Variants in YKT6 observed in about 807,000 individuals in gnomAD.
YKT6 encodes the protein YKT6 vesicular SNARE protein, also known as synaptobrevin homolog YKT6.
A neutral mutation model predicts 29.3 loss-of-function variants in YKT6; 12 were observed. The observed-to-expected ratio is 0.41, with a 90% CI of 0.26 to 0.66. The LOEUF (loss-of-function observed/expected upper bound fraction) is 0.66. Among genes scored for constraint, YKT6 ranks in the 30% least tolerant of loss-of-function variants. The probability of loss-of-function intolerance (pLI) is 0.32; values close to 1 mark genes in which losing one functional copy is unlikely to be tolerated. For synonymous variants in YKT6, 86 were observed against 94.3 expected (o/e 0.91, Z 0.51); for missense variants, 188 against 243.8 (o/e 0.77, Z 1.52).
chr7:44,204,761 G>T, intron 2 of YKT6, 111 bp downstream of exon 2: 1 of 945,646 alleles, frequency 1.1e-6, no homozygotes, highest in Non-Finnish European at 1.6e-6. Context: ...CCTCTAGCTT[G>T]TTCTCTCTTT....
At chr7:44,211,748 T>TA (rs1413189499) in intron 6 of YKT6, 1 of 485,468 alleles carries the variant, frequency 2.1e-6, no homozygotes, top group African/African-American at 2.1e-5. Context: ...ATTAGGAAGA[T>TA]AGTCTGTGAC....
chr7:44,211,143 C>A lies in YKT6; in HGVS notation c.561+19C>A. ...TAAAACTGTGAGTACCCAGCACCTG[C>A]TGCCTCCTGGGTGTTCTCTCTAGAG... On this transcript the variant is annotated intron_variant, in intron 6 of 6. Transcript: ENST00000223369. 1 of 1,606,370 alleles carries A rather than the reference C, an allele frequency of 6.2e-7. No homozygotes were observed. Among genetic ancestry groups the A allele is most frequent in the Non-Finnish European group, 8.5e-7 (1 of 1,173,872 alleles).
chr7:44,206,261 C>A, intron 2 of YKT6, 124 bp from the exon 3 acceptor site: 1 of 925,062 alleles, frequency 1.1e-6, no homozygotes, highest in Non-Finnish European at 1.7e-6. Flanking sequence ...AAGACTTGCC[C>A]AGAGCTATTG....
rs866343417 is a variant in YKT6, at chr7:44,208,571, C to A, written c.459+373C>A. On this transcript the variant is annotated intron_variant, in intron 5 of 6. Transcript: ENST00000223369. ...TGCCTCCACACCCCACAGGTGCCTC[C>A]CCTTGCAGCGTTTGCATTGAAGGTG... The A allele has an allele frequency of 7.1e-5, 19 of 267,336 alleles. No individual in the cohort carries two copies. In the South Asian group the frequency reaches 8.3e-4, roughly 12 times the overall value. The allele number at this position is 267,336 out of a possible 1,614,324, so 16.6% of individuals were successfully genotyped here. A position where few individuals can be genotyped will look rare whatever the true frequency, so the allele number is the denominator to read the frequency against.
intron 6 of YKT6, among the ~76,000 whole-genome samples, chr7:44,211,341 C>T (rs1041839894): frequency 2.6e-5 from 4 of 152,184 alleles, no homozygotes; most frequent in African/African-American, 9.7e-5. Flanking sequence ...GGGCCGAGGC[C>T]TTGTTCCACT....
chr7:44,204,475 G>A, intron 1 of YKT6, 93 bp from the exon 2 acceptor site: 1 of 1,195,372 alleles, frequency 8.4e-7, no homozygotes, highest in Non-Finnish European at 1.2e-6. Context: ...AAGAAGCAAT[G>A]TCTACTTAAT....
chr7:44,212,490 T>G lies in YKT6; in HGVS notation c.*208T>G, dbSNP rs1037752073. On this transcript the variant is annotated 3_prime_UTR_variant, in exon 7 of 7. Transcript: ENST00000223369. ...GTGGTAGTGATTCTTGGAAAGAATT[T>G]GAGGTCCCCAAAGGTGTATTTTTGG... The G allele has an allele frequency of 1.5e-5, 9 of 597,500 alleles. No homozygotes were observed. Among genetic ancestry groups the G allele is most frequent in the Admixed American group, 9.7e-5 (3 of 30,868 alleles). 37.0% of individuals were successfully genotyped at this position (597,500 alleles called of 1,614,324 possible).
Position 44,212,398 on chromosome 7 carries a change from A to C in YKT6, c.*116A>C. On this transcript the variant is annotated 3_prime_UTR_variant, in exon 7 of 7. Coordinates refer to ENST00000223369, the MANE Select transcript of YKT6 (RefSeq NM_006555.4). ...GAGCCAGAGTGGGGGCAGACTGGCC[A>C]TTTTTATTTTGAAGTTCCTGCGAGA... The C allele has an allele frequency of 7.4e-7, 1 of 1,345,958 alleles. No homozygotes were observed. Among genetic ancestry groups the C allele is most frequent in the Non-Finnish European group, 1.0e-6 (1 of 963,888 alleles). The allele number at this position is 1,345,958 out of a possible 1,614,324, so 83.4% of individuals were successfully genotyped here.
At chr7:44,209,685 C>G (rs2096344616) in intron 5 of YKT6, among the ~76,000 whole-genome samples, 1 of 152,224 alleles carries the variant, frequency 6.6e-6, no homozygotes, top group African/African-American at 2.4e-5. Context: ...GCTCCTTGTT[C>G]TATGGCGCTT....
At chr7:44,201,311 G>A in intron 1 of YKT6, 72 bp downstream of exon 1, 2 of 1,387,880 alleles carry the variant, frequency 1.4e-6, no homozygotes, top group Non-Finnish European at 1.0e-6. Context: ...AGTCGGAGTG[G>A]GCCTGGGGTC....
intron 5 of YKT6, among the ~76,000 whole-genome samples, chr7:44,209,981 A>G (rs1261487057): frequency 6.6e-6 from 1 of 152,218 alleles, no homozygotes; most frequent in Non-Finnish European, 1.5e-5. Flanking sequence ...TTAAAATGAT[A>G]AAAGGAAAAT....
Position 44,212,234 on chromosome 7 carries a change from G to GT in YKT6, c.562-6dup, listed in dbSNP as rs766059961. ...CAGTCCTCCTTCTCAGCTCCTCTTT[G>GT]TTTTTTTCCAAGGCCCGGAAACAAA... On this transcript the variant is annotated splice_polypyrimidine_tract_variant and intron_variant, in intron 6 of 6. Transcript: ENST00000223369. 7.4e-6 allele frequency: 12 copies of GT among 1,613,758 alleles called. No individual in the cohort carries two copies. The highest frequency in any genetic ancestry group is 8.5e-6 in the Non-Finnish European group (10 of 1,179,872).
At chr7:44,212,182 C>T in intron 6 of YKT6, 65 bp from the exon 7 acceptor site, 1 of 1,605,842 alleles carries the variant, frequency 6.2e-7, no homozygotes, top group Non-Finnish European at 8.5e-7. Flanking sequence ...GCCACGCCTG[C>T]CAGGATTGGG....
intron 3 of YKT6, 124 bp from the exon 4 acceptor site, chr7:44,207,264 C>T (rs770310230): frequency 1.5e-6 from 1 of 660,812 alleles, no homozygotes; most frequent in African/African-American, 1.8e-5. Flanking sequence ...CCTCATTCCT[C>T]CTTCCTGGGC....
chr7:44,210,641 C>T (rs2096345689), intron 5 of YKT6: 1 of 358,290 alleles, frequency 2.8e-6, no homozygotes, highest in Non-Finnish European at 5.5e-6. Context: ...TGCCCAGCTA[C>T]TCTTTTTTCC....
At chr7:44,201,321 C>T (rs541005712) in intron 1 of YKT6, 82 bp downstream of exon 1, 4 of 448,754 alleles carry the variant, frequency 8.9e-6, no homozygotes, top group African/African-American at 2.5e-5. Flanking sequence ...GGCCTGGGGT[C>T]GGCGGAGGGA....
chr7:44,208,416 C>G, intron 5 of YKT6: 1 of 516,796 alleles, frequency 1.9e-6, no homozygotes, highest in South Asian at 2.2e-5. Context: ...GGGGACCAAG[C>G]TGGGAACCAG....
At chr7:44,206,951 CAGAGGCTT>C (rs1583647183) in intron 3 of YKT6, among the ~76,000 whole-genome samples, 2 of 152,182 alleles carry the variant, frequency 1.3e-5, no homozygotes, top group East Asian at 3.9e-4. Flanking sequence ...TCTTTGAAGT[CAGAGGCTT>C]CATCCTATAC....
Position 44,206,400 on chromosome 7 carries a change from T to G in YKT6, c.203T>G (p.Val68Gly). The change falls in exon 3 of 7, where the codon GTC becomes GGC. Residue 68 changes from valine to glycine, a missense_variant. Physicochemically the swap from Val to Gly is moderately radical, Grantham distance 109. Transcript: ENST00000223369. ...GTCTCCTTAGACTATCTGTGCCACG[T>G]CTACGTCCGGAATGATAGTCTTGCA... ...SVKEQDYLCH[V>G]YVRNDSLAGV... The G allele has an allele frequency of 6.2e-7, 1 of 1,614,114 alleles. No individual in the cohort carries two copies. The highest frequency in any genetic ancestry group is 8.5e-7 in the Non-Finnish European group (1 of 1,180,026).
Sources: allele counts gnomAD v4.1 joint callset (sites outside exome capture counted in the v4.1 genomes callset), GRCh38; gene constraint gnomAD v4.1.1; transcripts MANE v1.5; gene names NCBI Gene and HGNC (gene_info 2026-07-23, HGNC 2026-07-21).